Variants in ASPH observed in about 807,000 individuals in gnomAD.
ASPH encodes aspartyl/asparaginyl beta-hydroxylase.
Under a neutral mutation model 118.4 loss-of-function variants are expected in ASPH, and 100 were observed. The ratio of observed to expected loss-of-function variants is 0.84; its 90% CI spans 0.72 to 1.00. ASPH has a LOEUF of 1.00. Among genes scored for constraint, ASPH ranks in the 50% least tolerant of loss-of-function variants. ASPH has a pLI of 0.00. For synonymous variants in ASPH, 315 were observed against 325.6 expected (o/e 0.97, Z 0.35); for missense variants, 920 against 919.5 (o/e 1.00, Z -0.01).
At chr8:61,646,611 T>C in intron 6 of ASPH, 139 bp downstream of exon 6, 1 of 1,009,986 alleles carries the variant, frequency 9.9e-7, no homozygotes. Flanking sequence ...AAATTTGCTT[T>C]AATTGAAGCT....
chr8:61,673,940 G>T (rs1823942881), intron 3 of ASPH, among the ~76,000 whole-genome samples: 1 of 152,150 alleles, frequency 6.6e-6, no homozygotes, highest in African/African-American at 2.4e-5. Flanking sequence ...ATGAGAGGTG[G>T]TACAAAATAA....
intron 3 of ASPH, among the ~76,000 whole-genome samples, chr8:61,654,419 C>G (rs1812603692): frequency 1.3e-5 from 2 of 152,038 alleles, no homozygotes; most frequent in Non-Finnish European, 2.9e-5. Flanking sequence ...TTCAAAGATT[C>G]CGTTTGCTGA....
chr8:61,547,300 TACA>T (rs1343482761), intron 21 of ASPH, among the ~76,000 whole-genome samples: 7 of 152,374 alleles, frequency 4.6e-5, no homozygotes, highest in South Asian at 2.1e-4. Context: ...CTCCAAATGC[TACA>T]ACATTTTCTG....
Position 61,711,163 on chromosome 8 carries a change from A to G in ASPH, c.103+3106T>C, listed in dbSNP as rs188595264. Among the ~76,000 whole-genome samples, 630 of 152,300 alleles carry G rather than the reference A, an allele frequency of 4.1e-3. 4 individuals carry two copies. Among genetic ancestry groups the G allele is most frequent in the African/African-American group, 0.013 (556 of 41,562 alleles). On this transcript the variant is annotated intron_variant, in intron 1 of 24. Transcript: ENST00000379454. ...TATTCTACAGTGACACCTAGTGGCA[A>G]AAGTTAATGTAGTAGCAGGACACCC...
rs1805074529 is a variant in ASPH, at chr8:61,502,311, CCTTTTACT to C, written c.*1040_*1047del. ...AAAAACATCCTGGCATTCTTGGTAA[CCTTTTACT>C]CTGCCATCCTTAATCTTTCTACAGA... On this transcript the variant is annotated 3_prime_UTR_variant, in exon 25 of 25. Transcript: ENST00000379454. 6.6e-6 allele frequency: 1 copy of C among 152,150 alleles called. No individual in the cohort carries two copies. Among genetic ancestry groups the C allele is most frequent in the Admixed American group, 6.5e-5 (1 of 15,268 alleles). The allele number at this position is 152,150 out of a possible 1,614,324, so 9.4% of individuals were successfully genotyped here.
At chr8:61,535,433 G>C (rs1452404918) in intron 21 of ASPH, among the ~76,000 whole-genome samples, 1 of 152,214 alleles carries the variant, frequency 6.6e-6, no homozygotes, top group East Asian at 1.9e-4. Flanking sequence ...GATTAGGTTA[G>C]TAACTGTTTG....
At chr8:61,711,464 T>C (rs1215692641) in intron 1 of ASPH, among the ~76,000 whole-genome samples, 3 of 152,154 alleles carry the variant, frequency 2.0e-5, no homozygotes, top group East Asian at 1.9e-4. Flanking sequence ...TTCTTTTATA[T>C]TATAAAGAGT....
chr8:61,560,306 C>T (rs887494979), intron 18 of ASPH, among the ~76,000 whole-genome samples: 2 of 152,152 alleles, frequency 1.3e-5, no homozygotes, highest in African/African-American at 4.8e-5. Context: ...AAGCCACAGA[C>T]TGGAGCAAAT....
chr8:61,510,407 C>T (rs11775986), intron 24 of ASPH, among the ~76,000 whole-genome samples: 1,971 of 152,206 alleles, frequency 0.013, 17 homozygotes, highest in Non-Finnish European at 0.021. Flanking sequence ...CCTGCAGAAA[C>T]ATTACTATAA....
At chr8:61,539,468 G>A (rs377164837) in intron 21 of ASPH, among the ~76,000 whole-genome samples, 1 of 151,998 alleles carries the variant, frequency 6.6e-6, no homozygotes. Context: ...GGCCAAGCAG[G>A]CTGAGAGATC....
At chr8:61,658,943 C>G (rs1227791949) in intron 3 of ASPH, 1 of 152,308 alleles carries the variant, frequency 6.6e-6, no homozygotes, top group East Asian at 1.9e-4. Flanking sequence ...AAATCGTAGT[C>G]TGGCAGCAAA....
At chr8:61,686,203 C>A (rs970877347) in intron 1 of ASPH, among the ~76,000 whole-genome samples, 2 of 152,068 alleles carry the variant, frequency 1.3e-5, no homozygotes, top group Admixed American at 1.3e-4. Flanking sequence ...TAAAAGCTGG[C>A]TATATAAAAA....
chr8:61,590,284 C>T (rs896268863), intron 14 of ASPH, among the ~76,000 whole-genome samples: 3 of 152,040 alleles, frequency 2.0e-5, no homozygotes, highest in Admixed American at 1.3e-4. Flanking sequence ...CAGTAGAGTC[C>T]AGAGTGCTTG....
chr8:61,618,962 T>A lies in ASPH; in HGVS notation c.976+16A>T. The A allele has an allele frequency of 6.3e-7, 1 of 1,591,002 alleles. No homozygotes were observed. The highest frequency in any genetic ancestry group is 8.6e-7 in the Non-Finnish European group (1 of 1,160,892). ...CCCCATGTATATTTTAAAGGCTGTT[T>A]ATTTGACAATCTCACCTTTTGCTTT... On this transcript the variant is annotated intron_variant, in intron 14 of 24. Coordinates refer to ENST00000379454, the MANE Select transcript of ASPH (RefSeq NM_004318.4).
intron 14 of ASPH, among the ~76,000 whole-genome samples, chr8:61,598,990 G>C (rs1843167694): frequency 6.6e-6 from 1 of 152,108 alleles, no homozygotes; most frequent in Admixed American, 6.5e-5. Flanking sequence ...ATGAGATACA[G>C]TAGTGCTAAG....
intron 3 of ASPH, among the ~76,000 whole-genome samples, chr8:61,666,344 G>A (rs1262964349): frequency 6.6e-6 from 1 of 152,104 alleles, no homozygotes; most frequent in Non-Finnish European, 1.5e-5. Context: ...TCTCATGGAA[G>A]GTATTGCTTT....
At chr8:61,573,145 C>T (rs1399851035) in intron 16 of ASPH, among the ~76,000 whole-genome samples, 1 of 152,184 alleles carries the variant, frequency 6.6e-6, no homozygotes, top group Non-Finnish European at 1.5e-5. Flanking sequence ...CCTAGGAATA[C>T]AACTTACAAA....
intron 21 of ASPH, among the ~76,000 whole-genome samples, chr8:61,532,969 C>G (rs1818136020): frequency 6.6e-6 from 1 of 152,150 alleles, no homozygotes; most frequent in Non-Finnish European, 1.5e-5. Context: ...CTCTTTCTTT[C>G]CTGTTTCTTG....
At position 61,533,630 on chromosome 8, in the gene ASPH, T is replaced by C. The variant is rs1462662082; in HGVS notation, c.1765-7518A>G. ...TCAAGCCAGTTTGTTTGTTTTTTAATTGGGGATCCTAAAATGTCAGCGTAG... is the reference window on the plus strand; with the variant it reads ...TCAAGCCAGTTTGTTTGTTTTTTAACTGGGGATCCTAAAATGTCAGCGTAG... On this transcript the variant is annotated intron_variant, in intron 21 of 24. Transcript: ENST00000379454. 2.0e-5 allele frequency among the ~76,000 whole-genome samples: 3 copies of C among 152,198 alleles called. 1 individual carries two copies.
Sources: gnomAD v4.1 joint callset for allele counts (sites outside exome capture counted in the v4.1 genomes callset) on GRCh38, gnomAD v4.1.1 for gene constraint, MANE v1.5 for transcripts, NCBI Gene and HGNC (gene_info 2026-07-23, HGNC 2026-07-21) for gene names.